The following PCM1 variants were observed in gnomAD, a reference collection of about 807,000 sequenced individuals.
PCM1 encodes pericentriolar material 1 protein.
Under a neutral mutation model 241.9 loss-of-function variants are expected in PCM1, and 157 were observed. The observed-to-expected ratio is 0.65, with a 90% CI of 0.57 to 0.74. The LOEUF is 0.74. PCM1 is among the 30% of genes least tolerant of loss of function. The probability of loss-of-function intolerance (pLI) is 0.00; values close to 1 mark genes in which losing one functional copy is unlikely to be tolerated. For missense variants in PCM1, 3,478 were observed against 2,360.1 expected, an observed-to-expected ratio of 1.47 and a Z score of -9.81; for synonymous variants, 1,085 against 784.9, an observed-to-expected ratio of 1.38 and a Z score of -6.39.
At chr8:17,948,750 A>T (rs1296509678) in intron 7 of PCM1, among the ~76,000 whole-genome samples, 1 of 152,236 alleles carries the variant, frequency 6.6e-6, no homozygotes, top group Non-Finnish European at 1.5e-5. Context: ...TTAGGAAAAG[A>T]TAATTAAAAT....
intron 36 of PCM1, among the ~76,000 whole-genome samples, chr8:18,020,876 CCAT>C (rs1474439164): frequency 6.6e-6 from 1 of 152,106 alleles, no homozygotes; most frequent in African/African-American, 2.4e-5. Flanking sequence ...AGTGGAACCC[CCAT>C]CAGTACTGGA....
chr8:17,969,860 G>A (rs1211014646), intron 22 of PCM1, 112 bp downstream of exon 22: 17 of 775,636 alleles, frequency 2.2e-5, no homozygotes, highest in Non-Finnish European at 3.5e-5. Context: ...GATTTGGCTT[G>A]ATGATGTTGG....
chr8:18,019,440 T>A (rs537981163), intron 36 of PCM1, among the ~76,000 whole-genome samples: 3 of 152,196 alleles, frequency 2.0e-5, no homozygotes, highest in Non-Finnish European at 4.4e-5. Flanking sequence ...TTTTGTATAT[T>A]TTATTTCTAT....
chr8:18,010,891 A>G (rs1001612589), intron 32 of PCM1, among the ~76,000 whole-genome samples: 1 of 152,132 alleles, frequency 6.6e-6, no homozygotes, highest in African/African-American at 2.4e-5. Flanking sequence ...GAGAATTGCT[A>G]GAACCTGGGA....
chr8:18,021,995 A>G (rs2093792086), intron 36 of PCM1, among the ~76,000 whole-genome samples: 1 of 152,152 alleles, frequency 6.6e-6, no homozygotes, highest in Admixed American at 6.5e-5. Context: ...TGGCTTCCAT[A>G]ACTTAGAACG....
At chr8:18,027,604 T>G (rs772772751) in intron 38 of PCM1, 33 bp from the exon 39 acceptor site, 1 of 1,509,772 alleles carries the variant, frequency 6.6e-7, no homozygotes. Context: ...ATTCGATAAG[T>G]AATTTATAAA....
intron 23 of PCM1, among the ~76,000 whole-genome samples, chr8:17,977,373 A>G (rs1358519345): frequency 3.3e-5 from 5 of 152,202 alleles, no homozygotes; most frequent in African/African-American, 1.2e-4. Flanking sequence ...AGTCTTACAT[A>G]ATGGCCTTGG....
At position 17,940,155 on chromosome 8, in the gene PCM1, C is replaced by T. The variant is rs1212559577; in HGVS notation, c.783+294C>T. The T allele has an allele frequency of 5.3e-5, 80 of 1,503,896 alleles. 1 individual carries two copies. Among genetic ancestry groups the T allele is most frequent in the Non-Finnish European group, 7.0e-5 (78 of 1,112,722 alleles). The allele number at this position is 1,503,896 out of a possible 1,614,324, so 93.2% of individuals were successfully genotyped here. ...ATGTGCAGTCTGAGGCTTCAGATAC[C>T]ACGGTAAGCGGCTTTTTGGTAATTA... On this transcript the variant is annotated intron_variant, in intron 6 of 38. Transcript: ENST00000325083.
chr8:17,992,601 C>G (rs112654130), intron 28 of PCM1, among the ~76,000 whole-genome samples: 12 of 144,542 alleles, frequency 8.3e-5, no homozygotes, highest in African/African-American at 2.5e-4. Flanking sequence ...CCTTAGCCTA[C>G]TACTACTACT....
chr8:17,989,936 G>A lies in PCM1; in HGVS notation c.4488G>A (p.Leu1496=), dbSNP rs1401655557. ...ATGATGCTGATAATGCTAGTGTCCT[G>A]TCTGTATCATCAAATTTTGAGCCTT... is the stretch of plus-strand genomic sequence containing the variant. ...EQNDADNASV[L]SVSSNFEPFA... Residue 1496 remains leucine (L), a synonymous_variant, in exon 27 of 39, where the codon CTG becomes CTA. Coordinates refer to ENST00000325083, the MANE Select transcript of PCM1 (RefSeq NM_006197.4). The A allele has an allele frequency of 1.9e-6, 3 of 1,541,108 alleles. No homozygotes were observed. Among genetic ancestry groups the A allele is most frequent in the Admixed American group, 4.0e-5 (2 of 50,172 alleles).
intron 17 of PCM1, among the ~76,000 whole-genome samples, chr8:17,963,756 AGTT>A (rs1249873752): frequency 6.6e-6 from 1 of 152,190 alleles, no homozygotes; most frequent in Middle Eastern, 3.2e-3. Context: ...TTTCTAAAAG[AGTT>A]GGTCATCTAT....
intron 23 of PCM1, among the ~76,000 whole-genome samples, chr8:17,978,403 C>G (rs962448866): frequency 6.6e-6 from 1 of 152,010 alleles, no homozygotes; most frequent in South Asian, 2.1e-4. Context: ...GGGAAACACA[C>G]AAACACCTAT....
intron 2 of PCM1, among the ~76,000 whole-genome samples, chr8:17,934,241 A>G (rs1048625026): frequency 1.3e-5 from 2 of 150,932 alleles, no homozygotes; most frequent in African/African-American, 2.4e-5. Context: ...GATTTTTATC[A>G]TTATTACTAT....
intron 15 of PCM1, among the ~76,000 whole-genome samples, chr8:17,961,002 CTG>C (rs893071273): frequency 1.8e-4 from 27 of 152,126 alleles, no homozygotes; most frequent in East Asian, 1.2e-3. Context: ...GTACTCATAA[CTG>C]TTTATTATGT....
At chr8:17,998,383 C>T (rs2087799192) in intron 29 of PCM1, among the ~76,000 whole-genome samples, 1 of 152,102 alleles carries the variant, frequency 6.6e-6, no homozygotes, top group African/African-American at 2.4e-5. Context: ...GGGTCCCAAG[C>T]CCAAAAACAC....
chr8:17,975,352 G>A lies in PCM1; in HGVS notation c.3943+2665G>A, dbSNP rs145145032. Among the ~76,000 whole-genome samples, 199 of 152,108 alleles carry A rather than the reference G, an allele frequency of 1.3e-3. 1 individual carries two copies. The highest frequency in any genetic ancestry group is 4.6e-3 in the African/African-American group (190 of 41,494). On this transcript the variant is annotated intron_variant, in intron 23 of 38. Transcript: ENST00000325083. Reference sequence around the variant, plus strand: ...CTAATTTTGTATTTTTAGTAGAGACGGGGTTTCTCCACGTTGGTCAGGCTA... The same window carrying A: ...CTAATTTTGTATTTTTAGTAGAGACAGGGTTTCTCCACGTTGGTCAGGCTA...
rs1381649033 is a variant in PCM1 at position 18,021,946 on chromosome 8, A to C, written c.5842-3415A>C. 2.0e-5 allele frequency among the ~76,000 whole-genome samples: 3 copies of C among 152,198 alleles called. No homozygotes were observed. The East Asian group carries it at 5.8e-4, about 29-fold the overall frequency. On this transcript the variant is annotated intron_variant, in intron 36 of 38. Coordinates refer to ENST00000325083, the MANE Select transcript of PCM1 (RefSeq NM_006197.4). Reference sequence around the variant, plus strand: ...AAAGTCTATTTCTACCAGCTGAAGGAGGCTTTTTGTGAACTGCCTACCAGT... The same window carrying C: ...AAAGTCTATTTCTACCAGCTGAAGGCGGCTTTTTGTGAACTGCCTACCAGT...
rs533132960 is a variant in PCM1 at position 17,966,101 on chromosome 8, G to T, written c.2958G>T (p.Trp986Cys). 5.6e-6 allele frequency: 9 copies of T among 1,613,720 alleles called. No individual in the cohort carries two copies. The East Asian group carries it at 2.0e-4, about 36-fold the overall frequency. ...ISMQRQENLR[W>C]VSELSYVEEK... Reference sequence around the variant, plus strand: ...TGCAACGGCAAGAAAACCTTCGTTGGGTGTCAGAGCTCTCTTACGTAGAAG... The same window carrying T: ...TGCAACGGCAAGAAAACCTTCGTTGTGTGTCAGAGCTCTCTTACGTAGAAG... The change falls in exon 19 of 39, where the codon TGG (tryptophan) becomes TGT (cysteine). Residue 986 changes from tryptophan (W) to cysteine (C), a missense_variant. Trp to Cys is a radical substitution (Grantham distance 215). Coordinates refer to ENST00000325083, the MANE Select transcript of PCM1 (RefSeq NM_006197.4).
intron 6 of PCM1, chr8:17,940,263 T>G (rs1456453921): frequency 1.6e-5 from 10 of 624,456 alleles, no homozygotes; most frequent in Admixed American, 8.2e-5. Flanking sequence ...AAAAGTGTAT[T>G]CCAGGGAAGA....
Sources: allele counts gnomAD v4.1 joint callset (sites outside exome capture counted in the v4.1 genomes callset), GRCh38; gene constraint gnomAD v4.1.1; transcripts MANE v1.5; gene names NCBI Gene and HGNC (gene_info 2026-07-23, HGNC 2026-07-21).